PLCL1: variants seen among roughly 807,000 people sequenced by gnomAD.
PLCL1 encodes phospholipase C like 1 (inactive).
Under a neutral mutation model 84.4 loss-of-function variants are expected in PLCL1, and 41 were observed. The observed-to-expected ratio is 0.49, with a 90% CI of 0.38 to 0.63. The LOEUF is 0.63. PLCL1 is among the 30% of genes least tolerant of loss of function. PLCL1 has a pLI of 0.00. For missense variants in PLCL1, 1,206 were observed against 1,367.8 expected (o/e 0.88, Z 1.87); for synonymous variants, 490 against 488.3 (o/e 1.00, Z -0.05).
Position 198,044,440 on chromosome 2 carries a change from T to C in PLCL1, c.241-39318T>C, listed in dbSNP as rs531183312. Among the ~76,000 whole-genome samples, 3 of 152,316 alleles carry C rather than the reference T, an allele frequency of 2.0e-5. No homozygotes were observed. In the South Asian group the frequency reaches 6.2e-4, roughly 32 times the overall value. On this transcript the variant is annotated intron_variant, in intron 1 of 5. Coordinates refer to ENST00000428675, the MANE Select transcript of PLCL1 (RefSeq NM_006226.4). ...ACTTCCACACTGTACTTGAACTATATAAAGAACTTTGCTCTCAACTCAGGA... is the reference window on the plus strand; with the variant it reads ...ACTTCCACACTGTACTTGAACTATACAAAGAACTTTGCTCTCAACTCAGGA...
intron 1 of PLCL1, among the ~76,000 whole-genome samples, chr2:197,820,101 AC>A (rs1690785927): frequency 2.0e-5 from 3 of 152,216 alleles, no homozygotes; most frequent in African/African-American, 7.2e-5. Context: ...AAAAGCAACC[AC>A]CGTTTATTGA....
At chr2:197,923,759 G>A (rs1009816619) in intron 1 of PLCL1, among the ~76,000 whole-genome samples, 6 of 152,120 alleles carry the variant, frequency 3.9e-5, no homozygotes, top group Non-Finnish European at 5.9e-5. Flanking sequence ...ACGGGGTGGC[G>A]GCCGGGCAGA....
chr2:197,970,279 T>C (rs1243643066), intron 1 of PLCL1, among the ~76,000 whole-genome samples: 1 of 152,170 alleles, frequency 6.6e-6, no homozygotes. Context: ...CCAGGCTCAC[T>C]TAATAAAAAC....
chr2:197,860,041 G>A (rs1277165574), intron 1 of PLCL1, among the ~76,000 whole-genome samples: 2 of 151,904 alleles, frequency 1.3e-5, no homozygotes, highest in Non-Finnish European at 2.9e-5. Flanking sequence ...TCCACCCTCA[G>A]GTAGGCCCCA....
At chr2:197,994,903 C>T (rs149131054) in intron 1 of PLCL1, among the ~76,000 whole-genome samples, 6 of 152,244 alleles carry the variant, frequency 3.9e-5, no homozygotes, top group Non-Finnish European at 8.8e-5. Context: ...CTTATCTAAT[C>T]AGAGAACCAG....
At chr2:197,962,348 G>A (rs1339897908) in intron 1 of PLCL1, among the ~76,000 whole-genome samples, 1 of 152,102 alleles carries the variant, frequency 6.6e-6, no homozygotes, top group Non-Finnish European at 1.5e-5. Flanking sequence ...ATTATCCTTA[G>A]TGACTTCAAA....
intron 1 of PLCL1, among the ~76,000 whole-genome samples, chr2:197,822,313 C>T (rs1220296395): frequency 6.6e-6 from 1 of 152,150 alleles, no homozygotes; most frequent in Non-Finnish European, 1.5e-5. Context: ...CATTTTCAGT[C>T]TGCTTTTGTC....
intron 5 of PLCL1, among the ~76,000 whole-genome samples, chr2:198,130,021 G>T (rs2105935371): frequency 6.6e-6 from 1 of 152,018 alleles, no homozygotes; most frequent in Middle Eastern, 3.4e-3. Context: ...TTGAGACAGG[G>T]TCTTGCTCTG....
chr2:198,091,612 G>A (rs576519648), intron 3 of PLCL1, among the ~76,000 whole-genome samples: 32 of 151,722 alleles, frequency 2.1e-4, no homozygotes, highest in South Asian at 6.2e-4. Flanking sequence ...CCTGGGAGGC[G>A]GAGGTTGCAG....
In PLCL1 at chr2:197,866,034, A is replaced by ATATATATAT. The variant is rs1215315731; in HGVS notation, c.240+60695_240+60696insTATATATAT. 1.5e-3 allele frequency among the ~76,000 whole-genome samples: 62 copies of ATATATATAT among 41,748 alleles called. 8 individuals carry two copies. Among genetic ancestry groups the ATATATATAT allele is most frequent in the African/African-American group, 6.2e-3 (26 of 4,168 alleles). The allele number at this position is 41,748 out of a possible 152,430, so 27.4% of individuals were successfully genotyped here. ...CCAAAAAAAAAAAAAAAAAAAAAAA[A>ATATATATAT]AAATATATATATATATATACACACA... On this transcript the variant is annotated intron_variant, in intron 1 of 5. Transcript: ENST00000428675.
chr2:198,028,655 C>T (rs564148776), intron 1 of PLCL1, among the ~76,000 whole-genome samples: 35 of 152,076 alleles, frequency 2.3e-4, no homozygotes, highest in African/African-American at 8.2e-4. Context: ...GTACACAAAC[C>T]GTCTCTACAT....
rs538787099 is a variant in PLCL1, at chr2:197,844,815, T to C, written c.240+39476T>C. On this transcript the variant is annotated intron_variant, in intron 1 of 5. Coordinates refer to ENST00000428675, the MANE Select transcript of PLCL1 (RefSeq NM_006226.4). Reference sequence around the variant, plus strand: ...TGTTCTGTTCTTATAACTTCATATATGGCATTTCTTGAAATGACTGAAGGA... The same window carrying C: ...TGTTCTGTTCTTATAACTTCATATACGGCATTTCTTGAAATGACTGAAGGA... Among the ~76,000 whole-genome samples the C allele has an allele frequency of 4.5e-4, 68 of 152,226 alleles. 2 individuals carry two copies. The South Asian group carries it at 9.9e-3, about 22-fold the overall frequency.
At chr2:198,002,487 A>G (rs1690626751) in intron 1 of PLCL1, among the ~76,000 whole-genome samples, 1 of 152,226 alleles carries the variant, frequency 6.6e-6, no homozygotes, top group South Asian at 2.1e-4. Flanking sequence ...TGTTACATTC[A>G]TAGTGGGATA....
At chr2:197,889,167 G>A (rs1168345289) in intron 1 of PLCL1, among the ~76,000 whole-genome samples, 7 of 152,156 alleles carry the variant, frequency 4.6e-5, no homozygotes, top group Non-Finnish European at 8.8e-5. Context: ...GAGAAATTCC[G>A]AGAAGCATAG....
intron 1 of PLCL1, among the ~76,000 whole-genome samples, chr2:197,915,626 A>G (rs1688582367): frequency 6.6e-6 from 1 of 151,738 alleles, no homozygotes; most frequent in South Asian, 2.1e-4. Flanking sequence ...TCTTCATAGC[A>G]TGTGCTCCTT....
chr2:198,146,970 C>A lies in PLCL1; in HGVS notation c.*8C>A. On this transcript the variant is annotated 3_prime_UTR_variant, in exon 6 of 6. Transcript: ENST00000428675. ...GAGAATGGGAAGCTGTGACTCTGGG[C>A]ATTATCGACACGTTCACCCATCTTA... is the stretch of plus-strand genomic sequence containing the variant. The A allele has an allele frequency of 6.3e-7, 1 of 1,575,374 alleles. No individual in the cohort carries two copies. Among genetic ancestry groups the A allele is most frequent in the East Asian group, 2.3e-5 (1 of 44,048 alleles).
chr2:198,123,748 A>T (rs904883764), intron 5 of PLCL1, among the ~76,000 whole-genome samples: 5 of 152,102 alleles, frequency 3.3e-5, no homozygotes, highest in Admixed American at 1.3e-4. Context: ...CTGTCAGATC[A>T]GCAGCAGCAT....
At chr2:197,824,844 G>A (rs751457633) in intron 1 of PLCL1, among the ~76,000 whole-genome samples, 16 of 151,548 alleles carry the variant, frequency 1.1e-4, no homozygotes, top group Non-Finnish European at 2.2e-4. Context: ...GTTCAGTTTT[G>A]TGGTCCAAAA....
At chr2:198,001,150 A>G (rs1201025373) in intron 1 of PLCL1, among the ~76,000 whole-genome samples, 1 of 152,168 alleles carries the variant, frequency 6.6e-6, no homozygotes, top group Non-Finnish European at 1.5e-5. Flanking sequence ...TGGTTTATGC[A>G]TTCCTATTGT....
Sources: allele counts gnomAD v4.1 joint callset (sites outside exome capture counted in the v4.1 genomes callset), GRCh38; gene constraint gnomAD v4.1.1; transcripts MANE v1.5; gene names NCBI Gene and HGNC (gene_info 2026-07-23, HGNC 2026-07-21).